Variants in ANKRD33B observed in about 807,000 individuals in gnomAD.
ANKRD33B encodes the protein ankyrin repeat domain-containing protein 33B.
Under a neutral mutation model 21.5 loss-of-function variants are expected in ANKRD33B, and 6 were observed. The observed-to-expected ratio is 0.28, with a 90% confidence interval of 0.15 to 0.55. The LOEUF is 0.55. Ranked by LOEUF, ANKRD33B falls within the 20% of genes least tolerant of loss-of-function variation. ANKRD33B has a pLI of 0.94. For missense variants in ANKRD33B, 698 were observed against 747.2 expected (o/e 0.93, Z 0.77); for synonymous variants, 347 against 342.4 (o/e 1.01, Z -0.15).
At chr5:10,615,055 G>A (rs1736253881) in intron 1 of ANKRD33B, among the ~76,000 whole-genome samples, 1 of 152,178 alleles carries the variant, frequency 6.6e-6, no homozygotes, top group Non-Finnish European at 1.5e-5. Flanking sequence ...ACCCTTCACT[G>A]GTTGAGGTGA....
At chr5:10,608,662 G>T (rs1228063070) in intron 1 of ANKRD33B, among the ~76,000 whole-genome samples, 2 of 145,040 alleles carry the variant, frequency 1.4e-5, no homozygotes, top group Non-Finnish European at 3.0e-5. Context: ...ACCTCACTAT[G>T]AAAAAAAAAA....
chr5:10,572,056 T>C (rs1735208061), intron 1 of ANKRD33B, among the ~76,000 whole-genome samples: 1 of 151,916 alleles, frequency 6.6e-6, no homozygotes, highest in South Asian at 2.1e-4. Context: ...GTCTGGCTAA[T>C]TTTTGTATTT....
intron 2 of ANKRD33B, among the ~76,000 whole-genome samples, chr5:10,626,254 A>G (rs1736542456): frequency 6.6e-6 from 1 of 152,244 alleles, no homozygotes; most frequent in Non-Finnish European, 1.5e-5. Flanking sequence ...AGGGCAAGGA[A>G]GAGGAGAAGC....
At position 10,638,965 on chromosome 5, in the gene ANKRD33B, C is replaced by T. The variant is rs1286862854; in HGVS notation, c.637+797C>T. ...TATTAGCGGGTGACGCGGAGTTGCA[C>T]GGCGATGTTAGCGGGTGACGCGGAG... On this transcript the variant is annotated intron_variant, in intron 3 of 3. Coordinates refer to ENST00000296657, the MANE Select transcript of ANKRD33B (RefSeq NM_001164440.2). Among the ~76,000 whole-genome samples, 18 of 80,694 alleles carry T rather than the reference C, an allele frequency of 2.2e-4. 1 individual carries two copies. Among genetic ancestry groups the T allele is most frequent in the Non-Finnish European group, 3.4e-4 (13 of 38,212 alleles). 52.9% of individuals were successfully genotyped at this position (80,694 alleles called of 152,430 possible).
chr5:10,585,741 C>T (rs191798712), intron 1 of ANKRD33B, among the ~76,000 whole-genome samples: 27 of 152,266 alleles, frequency 1.8e-4, no homozygotes, highest in South Asian at 2.1e-4. Flanking sequence ...TGGGTGAGGG[C>T]GCTGTGCCAA....
chr5:10,586,485 CTGTGTGTG>C (rs55940283), intron 1 of ANKRD33B, among the ~76,000 whole-genome samples: 23,043 of 140,256 alleles, frequency 0.16, 1,861 homozygotes, highest in Admixed American at 0.23. Context: ...GTTCTTGTAA[CTGTGTGTG>C]TGTGTGTGTG....
intron 2 of ANKRD33B, among the ~76,000 whole-genome samples, chr5:10,634,705 C>T (rs11744152): frequency 0.064 from 9,744 of 151,084 alleles, 455 homozygotes; most frequent in Middle Eastern, 0.15. Flanking sequence ...ATCTGCCTGC[C>T]TTGGCCTCCC....
chr5:10,604,241 G>GA (rs1238766476), intron 1 of ANKRD33B, among the ~76,000 whole-genome samples: 3 of 143,396 alleles, frequency 2.1e-5, no homozygotes, highest in Non-Finnish European at 4.5e-5. Context: ...ACCCGGGCTG[G>GA]AGTACAGTGG....
chr5:10,606,302 G>T lies in ANKRD33B; in HGVS notation c.367-12031G>T, dbSNP rs552790875. 3.9e-4 allele frequency among the ~76,000 whole-genome samples: 60 copies of T among 152,276 alleles called. 1 individual carries two copies. The highest frequency in any genetic ancestry group is 1.6e-3 in the Admixed American group (25 of 15,306). ...GAATTTATCAAATCCTGATTACAGG[G>T]CTACAAGGTGACCCCATGTTGGAAG... On this transcript the variant is annotated intron_variant, in intron 1 of 3. Coordinates refer to ENST00000296657, the MANE Select transcript of ANKRD33B (RefSeq NM_001164440.2).
intron 2 of ANKRD33B, among the ~76,000 whole-genome samples, chr5:10,634,695 A>G (rs1480799030): frequency 1.3e-5 from 2 of 151,144 alleles, no homozygotes; most frequent in African/African-American, 4.9e-5. Flanking sequence ...GCCTCAAGTG[A>G]TCTGCCTGCC....
intron 1 of ANKRD33B, among the ~76,000 whole-genome samples, chr5:10,604,387 T>G (rs1735998577): frequency 6.6e-6 from 1 of 150,404 alleles, no homozygotes; most frequent in Non-Finnish European, 1.5e-5. Context: ...GAGATGGGGT[T>G]TCGCCATGTC....
intron 2 of ANKRD33B, among the ~76,000 whole-genome samples, chr5:10,630,838 A>C (rs929385897): frequency 4.0e-5 from 6 of 148,476 alleles, no homozygotes; most frequent in African/African-American, 1.5e-4. Context: ...GCGCCACTGC[A>C]CTCCAGCCTA....
rs1735076729 is a variant in ANKRD33B, at chr5:10,566,927, C to T, written c.366+2094C>T. 3.3e-5 allele frequency among the ~76,000 whole-genome samples: 5 copies of T among 152,216 alleles called. No individual in the cohort carries two copies. In the South Asian group the frequency reaches 1.0e-3, roughly 31 times the overall value. ...TACCATCGTGTTTCTCATTCGTCTG[C>T]CTTCTCTTGGCTTGGAAGAGAGCAC... On this transcript the variant is annotated intron_variant, in intron 1 of 3. Coordinates refer to ENST00000296657, the MANE Select transcript of ANKRD33B (RefSeq NM_001164440.2).
chr5:10,618,258 C>T, intron 1 of ANKRD33B, 75 bp from the exon 2 acceptor site: 1 of 1,527,210 alleles, frequency 6.5e-7, no homozygotes, highest in Non-Finnish European at 8.8e-7. Context: ...TAGTGGGTGC[C>T]CCTCGGGGTC....
chr5:10,577,057 C>T (rs777792174), intron 1 of ANKRD33B, among the ~76,000 whole-genome samples: 18 of 152,084 alleles, frequency 1.2e-4, no homozygotes, highest in Non-Finnish European at 2.1e-4. Context: ...CAAGCCTTTC[C>T]TCTTTCTTTT....
intron 2 of ANKRD33B, among the ~76,000 whole-genome samples, chr5:10,623,691 G>A (rs548619573): frequency 6.6e-6 from 1 of 152,344 alleles, no homozygotes; most frequent in African/African-American, 2.4e-5. Flanking sequence ...CCCACCCAGG[G>A]GTAGCCGTGC....
At chr5:10,587,548 A>T (rs1366945467) in intron 1 of ANKRD33B, among the ~76,000 whole-genome samples, 8 of 143,456 alleles carry the variant, frequency 5.6e-5, no homozygotes, top group Non-Finnish European at 1.1e-4. Context: ...TTCTGATACA[A>T]TTTTTTTTTT....
chr5:10,605,251 C>T (rs931119778), intron 1 of ANKRD33B, among the ~76,000 whole-genome samples: 1 of 152,202 alleles, frequency 6.6e-6, no homozygotes, highest in African/African-American at 2.4e-5. Flanking sequence ...GGAAGGCACA[C>T]ACCATTACTC....
chr5:10,636,429 T>C (rs983492427), intron 2 of ANKRD33B, among the ~76,000 whole-genome samples: 5 of 150,980 alleles, frequency 3.3e-5, no homozygotes, highest in Non-Finnish European at 5.9e-5. Flanking sequence ...CTCGGCAACG[T>C]TGGGAGATCC....
Sources: gnomAD v4.1 joint callset for allele counts (sites outside exome capture counted in the v4.1 genomes callset) on GRCh38, gnomAD v4.1.1 for gene constraint, MANE v1.5 for transcripts, NCBI Gene and HGNC (gene_info 2026-07-23, HGNC 2026-07-21) for gene names.